Variants in NAV1 observed in about 807,000 individuals in gnomAD.
NAV1 encodes the protein pore membrane and/or filament interacting like protein 3.
A neutral mutation model predicts 175.2 loss-of-function variants in NAV1; 18 were observed. The ratio of observed to expected loss-of-function variants is 0.10; its 90% confidence interval spans 0.07 to 0.15. The LOEUF (loss-of-function observed/expected upper bound fraction) is 0.15, where lower values mean the gene tolerates loss of function less well. Among genes scored for constraint, NAV1 ranks in the 10% least tolerant of loss-of-function variants. The pLI is 1.00. For missense variants in NAV1, 1,731 were observed against 2,436.6 expected (o/e 0.71, Z 6.10); for synonymous variants, 897 against 978.7 (o/e 0.92, Z 1.56).
chr1:201,794,795 T>C (rs756227390), intron 15 of NAV1: 14 of 557,332 alleles, frequency 2.5e-5, no homozygotes, highest in Non-Finnish European at 4.2e-5. Context: ...AGAGGAGACC[T>C]GTAAGCCCCA....
chr1:201,600,990 C>T (rs1163162222), intron 2 of NAV1, among the ~76,000 whole-genome samples: 1 of 152,236 alleles, frequency 6.6e-6, no homozygotes, highest in Non-Finnish European at 1.5e-5. Flanking sequence ...CTTGGATACT[C>T]CAGGTTGTCT....
chr1:201,587,673 G>T (rs1230590224), intron 1 of NAV1, among the ~76,000 whole-genome samples: 1 of 152,124 alleles, frequency 6.6e-6, no homozygotes, highest in Non-Finnish European at 1.5e-5. Context: ...AACACAGGGA[G>T]ACCCTACCTC....
upstream of NAV1, among the ~76,000 whole-genome samples, chr1:201,620,476 T>TTTTTTG (rs1668130607): frequency 6.7e-6 from 1 of 148,316 alleles, no homozygotes; most frequent in African/African-American, 2.5e-5. Context: ...TTTTTTTTTT[T>TTTTTTG]GAGACAGAGT....
intron 2 of NAV1, among the ~76,000 whole-genome samples, chr1:201,615,051 A>G (rs913231312): frequency 3.9e-5 from 6 of 152,198 alleles, no homozygotes; most frequent in African/African-American, 1.4e-4. Context: ...AAGGGAGGAG[A>G]GAGAAAAGTG....
exon 16 of NAV1, chr1:201,803,623 A>C: frequency 6.2e-7 from 1 of 1,613,770 alleles, no homozygotes; most frequent in Non-Finnish European, 8.5e-7. Context: ...AACTCCTCAG[A>C]TAGCATCTCA....
chr1:201,783,705 A>G, exon 7 of NAV1: 1 of 1,614,194 alleles, frequency 6.2e-7, no homozygotes, highest in Non-Finnish European at 8.5e-7. Flanking sequence ...AGGAGCATGG[A>G]GTCCCTCCAG....
chr1:201,728,532 T>C (rs1239017833), intron 3 of NAV1, among the ~76,000 whole-genome samples: 1 of 147,846 alleles, frequency 6.8e-6, no homozygotes, highest in Non-Finnish European at 1.5e-5. Flanking sequence ...ATGTGGAGCT[T>C]GCAGTGAGCT....
At chr1:201,715,271 C>T (rs1217171132) in intron 2 of NAV1, among the ~76,000 whole-genome samples, 1 of 150,806 alleles carries the variant, frequency 6.6e-6, no homozygotes, top group African/African-American at 2.4e-5. Context: ...AGCGATTCTT[C>T]TGCCTCAGCC....
At chr1:201,759,472 G>A (rs972341800) in intron 3 of NAV1, among the ~76,000 whole-genome samples, 5 of 152,168 alleles carry the variant, frequency 3.3e-5, no homozygotes, top group Admixed American at 6.5e-5. Context: ...CATTAATATC[G>A]TTTGGTTGCC....
intron 2 of NAV1, among the ~76,000 whole-genome samples, chr1:201,608,442 C>T (rs2102247479): frequency 6.6e-6 from 1 of 152,352 alleles, no homozygotes; most frequent in African/African-American, 2.4e-5. Context: ...TCGGTCTAAC[C>T]TCCTGATCAG....
intron 24 of NAV1, 48 bp from the exon 29 acceptor site, chr1:201,811,555 C>T: frequency 6.2e-7 from 1 of 1,611,218 alleles, no homozygotes; most frequent in Non-Finnish European, 8.5e-7. Flanking sequence ...CAAGGCCGAT[C>T]CAGCTGCTTA....
intron 3 of NAV1, among the ~76,000 whole-genome samples, chr1:201,735,480 C>T (rs1673078971): frequency 6.6e-6 from 1 of 152,170 alleles, no homozygotes; most frequent in South Asian, 2.1e-4. Context: ...CCATGCTGGT[C>T]TAGGAAAGGA....
intron 1 of NAV1, among the ~76,000 whole-genome samples, chr1:201,701,675 C>T (rs1384338984): frequency 6.6e-6 from 1 of 152,168 alleles, no homozygotes; most frequent in Non-Finnish European, 1.5e-5. Context: ...GTAGATGACA[C>T]CTACAGTGAG....
chr1:201,744,312 GTATGTATT>G (rs1455056194), intron 3 of NAV1, among the ~76,000 whole-genome samples: 229 of 145,656 alleles, frequency 1.6e-3, no homozygotes, highest in African/African-American at 5.1e-3. Flanking sequence ...ATGTATGTAT[GTATGTATT>G]TATTTATTTA....
At chr1:201,725,577 G>T (rs1375749858) in intron 3 of NAV1, among the ~76,000 whole-genome samples, 1 of 151,898 alleles carries the variant, frequency 6.6e-6, no homozygotes, top group Non-Finnish European at 1.5e-5. Flanking sequence ...AGGAGTTGGG[G>T]CGGGGGGGCT....
intron 1 of NAV1, among the ~76,000 whole-genome samples, chr1:201,712,129 A>G (rs560857144): frequency 6.6e-6 from 1 of 151,594 alleles, no homozygotes; most frequent in South Asian, 2.1e-4. Context: ...CATCCCTTCC[A>G]CCTCCCACCA....
At chr1:201,551,521 G>A (rs758735077) in intron 1 of NAV1, among the ~76,000 whole-genome samples, 5 of 152,086 alleles carry the variant, frequency 3.3e-5, no homozygotes, top group African/African-American at 7.2e-5. Context: ...GAGCCACCTC[G>A]CCCAGCGCCA....
chr1:201,570,549 G>A (rs957031308), intron 1 of NAV1, among the ~76,000 whole-genome samples: 5 of 152,244 alleles, frequency 3.3e-5, no homozygotes, highest in Non-Finnish European at 5.9e-5. Context: ...GAAACAACCA[G>A]AGAGGCCAAG....
At chr1:201,781,186 G>T in exon 5 of NAV1, 1 of 1,614,096 alleles carries the variant, frequency 6.2e-7, no homozygotes, top group Non-Finnish European at 8.5e-7. Context: ...TTCATCCAAG[G>T]GTGGAGAACT....
Sources: gnomAD v4.1 joint callset for allele counts (sites outside exome capture counted in the v4.1 genomes callset) on GRCh38, gnomAD v4.1.1 for gene constraint, MANE v1.5 for transcripts, NCBI Gene and HGNC (gene_info 2026-07-23, HGNC 2026-07-21) for gene names.